The following PTK2 variants were observed in gnomAD, a reference collection of about 807,000 sequenced individuals.
PTK2 encodes protein tyrosine kinase 2.
A neutral mutation model predicts 150.1 loss-of-function variants in PTK2; 45 were observed. The observed-to-expected ratio is 0.30, with a 90% confidence interval of 0.24 to 0.38. The LOEUF (loss-of-function observed/expected upper bound fraction) is 0.38. PTK2 is among the 10% of genes least tolerant of loss of function. The pLI, the probability that PTK2 is intolerant of heterozygous loss-of-function variation, is 1.00. For synonymous variants in PTK2, 432 were observed against 449.2 expected, an observed-to-expected ratio of 0.96 and a Z score of 0.48; for missense variants, 919 against 1,307.3, an observed-to-expected ratio of 0.70 and a Z score of 4.58.
chr8:140,925,523 T>A (rs2100169121), intron 2 of PTK2, 138 bp downstream of exon 2: 1 of 571,404 alleles, frequency 1.8e-6, no homozygotes. Flanking sequence ...ATGACTTGGT[T>A]AAAATCAAAG....
At chr8:140,912,198 A>T (rs2100163446) in intron 2 of PTK2, among the ~76,000 whole-genome samples, 1 of 151,798 alleles carries the variant, frequency 6.6e-6, no homozygotes, top group African/African-American at 2.4e-5. Context: ...AGCTATGATT[A>T]TGACACTGCA....
chr8:140,902,924 GTTTTTTTTTTTTTTTT>G (rs61261890), intron 2 of PTK2, among the ~76,000 whole-genome samples: 4 of 58,962 alleles, frequency 6.8e-5, no homozygotes, highest in East Asian at 3.9e-4. Flanking sequence ...GATGAGAGTT[GTTTTTTTTTTTTTTTT>G]TTTTTTTTTT....
At chr8:140,855,304 A>G (rs537205929) in intron 5 of PTK2, among the ~76,000 whole-genome samples, 13 of 151,320 alleles carry the variant, frequency 8.6e-5, no homozygotes, top group South Asian at 4.2e-4. Context: ...TTAAAAAAAA[A>G]GGGGGGGGTC....
At chr8:140,896,768 C>T (rs2100156369) in intron 2 of PTK2, among the ~76,000 whole-genome samples, 3 of 140,376 alleles carry the variant, frequency 2.1e-5, no homozygotes, top group Admixed American at 7.4e-5. Context: ...CATAGACGCC[C>T]CCCCTTCCCC....
intron 5 of PTK2, among the ~76,000 whole-genome samples, chr8:140,860,054 T>C (rs1401568138): frequency 2.0e-5 from 3 of 152,160 alleles, no homozygotes; most frequent in Non-Finnish European, 4.4e-5. Context: ...TTTTCCCACA[T>C]AAACGAAAAT....
intron 30 of PTK2, among the ~76,000 whole-genome samples, chr8:140,667,359 C>T (rs544484831): frequency 2.1e-4 from 32 of 152,162 alleles, no homozygotes; most frequent in Admixed American, 5.2e-4. Flanking sequence ...ACTCTGTGAA[C>T]TGGAGGACAC....
At chr8:140,746,601 A>G (rs2100058911) in intron 18 of PTK2, 159 bp downstream of exon 21, 2 of 496,208 alleles carry the variant, frequency 4.0e-6, no homozygotes, top group East Asian at 6.6e-5. Context: ...AATGATGAAG[A>G]TATTTATACC....
chr8:140,696,493 C>T (rs925499861), intron 26 of PTK2, among the ~76,000 whole-genome samples: 2 of 152,136 alleles, frequency 1.3e-5, no homozygotes, highest in Non-Finnish European at 2.9e-5. Context: ...AGGGATGTTG[C>T]TAAGAACTCC....
chr8:140,861,225 T>C (rs954365617), intron 5 of PTK2, among the ~76,000 whole-genome samples: 1 of 152,164 alleles, frequency 6.6e-6, no homozygotes, highest in Non-Finnish European at 1.5e-5. Context: ...GGCACGCACC[T>C]GTAGTCCCAA....
chr8:140,945,856 C>G (rs1251629910), intron 1 of PTK2, among the ~76,000 whole-genome samples: 1 of 152,208 alleles, frequency 6.6e-6, no homozygotes, highest in African/African-American at 2.4e-5. Flanking sequence ...ACCTAGAATG[C>G]TCTTCCTCAA....
Position 140,980,751 on chromosome 8 carries a change from G to A in PTK2, c.-122+20374C>T, listed in dbSNP as rs1251594809. 2.0e-5 allele frequency among the ~76,000 whole-genome samples: 3 copies of A among 149,922 alleles called. No individual in the cohort carries two copies. In the East Asian group the frequency reaches 5.9e-4, roughly 29 times the overall value. ...TACTTTTCCTCTTTCCGGCTCTAAAGCTTTTTTTTTTTTTTTTGAGACAGA... is the reference window on the plus strand; with the variant it reads ...TACTTTTCCTCTTTCCGGCTCTAAAACTTTTTTTTTTTTTTTTGAGACAGA... On this transcript the variant is annotated intron_variant, in intron 1 of 31. Transcript: ENST00000522684.
Position 140,693,564 on chromosome 8 carries a change from T to TAAAAAAA in PTK2, c.2500-6877_2500-6871dup, listed in dbSNP as rs377205785. The stretch of plus-strand genomic sequence containing the variant: ...CCACAGAGTGAGACTTTGTCTCAAT[T>TAAAAAAA]AAAAAAAAAAAAAAAAAAAAAAAAA... On this transcript the variant is annotated intron_variant, in intron 26 of 31. Coordinates refer to ENST00000522684, the Ensembl canonical transcript of PTK2. Among the ~76,000 whole-genome samples the TAAAAAAA allele has an allele frequency of 1.2e-4, 9 of 72,458 alleles. 1 individual carries two copies. The highest frequency in any genetic ancestry group is 4.6e-4 in the East Asian group (1 of 2,164). The allele number at this position is 72,458 out of a possible 152,430, so 47.5% of individuals were successfully genotyped here.
At chr8:140,701,450 T>C (rs904481933) in intron 25 of PTK2, among the ~76,000 whole-genome samples, 6 of 152,126 alleles carry the variant, frequency 3.9e-5, no homozygotes, top group African/African-American at 1.2e-4. Flanking sequence ...GTCTTTTTAA[T>C]GAGATGGGGT....
intron 15 of PTK2, among the ~76,000 whole-genome samples, chr8:140,763,308 C>A (rs1594520245): frequency 1.3e-5 from 2 of 152,138 alleles, no homozygotes; most frequent in African/African-American, 2.4e-5. Flanking sequence ...AGAATATTTA[C>A]AAGAATATTT....
chr8:140,944,519 T>C (rs1324819992), intron 1 of PTK2, among the ~76,000 whole-genome samples: 3 of 152,182 alleles, frequency 2.0e-5, no homozygotes, highest in Admixed American at 1.3e-4. Context: ...TTCTCATCTG[T>C]AAAATGAGAA....
intron 21 of PTK2, among the ~76,000 whole-genome samples, chr8:140,736,178 AATACT>A (rs1219036321): frequency 2.0e-5 from 3 of 152,374 alleles, no homozygotes; most frequent in Non-Finnish European, 2.9e-5. Context: ...TATGCCACGG[AATACT>A]ATGCAGGCAT....
chr8:140,981,105 AAAAAG>A (rs1263231924), intron 1 of PTK2, among the ~76,000 whole-genome samples: 2 of 151,796 alleles, frequency 1.3e-5, no homozygotes, highest in Admixed American at 1.3e-4. Context: ...GGAAAAAAAA[AAAAAG>A]AAAAGAAAAA....
chr8:140,668,147 C>T (rs2093425237), intron 30 of PTK2, 122 bp downstream of exon 34: 2 of 1,136,182 alleles, frequency 1.8e-6, no homozygotes, highest in African/African-American at 1.5e-5. Flanking sequence ...TCGTGAAGAG[C>T]TTCTAAAGCA....
chr8:140,976,430 G>A (rs372559630), intron 1 of PTK2, among the ~76,000 whole-genome samples: 4 of 152,130 alleles, frequency 2.6e-5, no homozygotes, highest in East Asian at 1.9e-4. Flanking sequence ...AGGCTAAAAG[G>A]TCCCAGAATA....
Sources: allele counts gnomAD v4.1 joint callset (sites outside exome capture counted in the v4.1 genomes callset), GRCh38; gene constraint gnomAD v4.1.1; transcripts MANE v1.5; gene names NCBI Gene and HGNC (gene_info 2026-07-23, HGNC 2026-07-21).